SNX27: variants seen among roughly 807,000 people sequenced by gnomAD.
SNX27 encodes the protein sorting nexin 27.
A neutral mutation model predicts 71.6 loss-of-function variants in SNX27; 22 were observed. The observed-to-expected ratio is 0.31, with a 90% CI of 0.22 to 0.44. SNX27 has a LOEUF of 0.44. Among genes scored for constraint, SNX27 ranks in the 20% least tolerant of loss-of-function variants. SNX27 has a pLI of 1.00. For missense variants in SNX27, 531 were observed against 698.6 expected (o/e 0.76, Z 2.70); for synonymous variants, 269 against 277.2 (o/e 0.97, Z 0.29).
intron 1 of SNX27, among the ~76,000 whole-genome samples, chr1:151,618,131 G>T (rs75182801): frequency 0.014 from 2,047 of 150,778 alleles, 49 homozygotes; most frequent in African/African-American, 0.047. Flanking sequence ...CTCCTAAACC[G>T]CTGGCATTGC....
intron 1 of SNX27, among the ~76,000 whole-genome samples, chr1:151,628,033 A>G (rs1379745600): frequency 2.2e-5 from 3 of 137,558 alleles, no homozygotes; most frequent in Non-Finnish European, 3.1e-5. Context: ...TTTAGATGGA[A>G]TTTCACTCTG....
At chr1:151,666,307 G>A (rs966314370) in intron 6 of SNX27, 1 of 237,422 alleles carries the variant, frequency 4.2e-6, no homozygotes, top group East Asian at 8.2e-5. Flanking sequence ...GCTTAAAAAT[G>A]GGATGTTCTA....
At chr1:151,648,427 T>C (rs1026132437) in intron 2 of SNX27, among the ~76,000 whole-genome samples, 2 of 151,998 alleles carry the variant, frequency 1.3e-5, no homozygotes, top group Non-Finnish European at 2.9e-5. Flanking sequence ...TTTCTTTCTT[T>C]CTTTTTTTTG....
chr1:151,633,779 G>T (rs1158748963), intron 1 of SNX27, among the ~76,000 whole-genome samples: 1 of 152,150 alleles, frequency 6.6e-6, no homozygotes, highest in Non-Finnish European at 1.5e-5. Context: ...TATCTATGTT[G>T]TTGGGGATGA....
chr1:151,656,830 CTA>C (rs1439476856), intron 2 of SNX27, among the ~76,000 whole-genome samples: 1 of 151,992 alleles, frequency 6.6e-6, no homozygotes, highest in Non-Finnish European at 1.5e-5. Flanking sequence ...TGTGATGAAA[CTA>C]TAGTATAATA....
intron 6 of SNX27, among the ~76,000 whole-genome samples, chr1:151,667,721 G>C (rs1461683989): frequency 6.7e-6 from 1 of 150,238 alleles, no homozygotes; most frequent in African/African-American, 2.4e-5. Flanking sequence ...CAGCTACTTG[G>C]GAGGCTGAGG....
At chr1:151,639,901 TTAG>T (rs1668649199) in intron 2 of SNX27, among the ~76,000 whole-genome samples, 3 of 152,244 alleles carry the variant, frequency 2.0e-5, no homozygotes, top group Admixed American at 2.0e-4. Context: ...TTCATTATTC[TTAG>T]TAGAAAATGC....
chr1:151,641,598 G>GATATATATATATATATATATAT (rs56886589), intron 2 of SNX27, among the ~76,000 whole-genome samples: 66 of 78,980 alleles, frequency 8.4e-4, no homozygotes, highest in South Asian at 8.4e-3. Context: ...TCCTTTATCA[G>GATATATATATATATATATATAT]ATATATATAT....
chr1:151,665,867 C>A, intron 5 of SNX27, 66 bp from the exon 6 acceptor site: 1 of 1,364,344 alleles, frequency 7.3e-7, no homozygotes, highest in Non-Finnish European at 1.0e-6. Context: ...AGACATACAC[C>A]TGCTTTTTCC....
intron 7 of SNX27, among the ~76,000 whole-genome samples, chr1:151,672,800 A>G (rs1333626372): frequency 6.6e-6 from 1 of 151,894 alleles, no homozygotes; most frequent in Admixed American, 6.6e-5. Context: ...AGTAGCCACA[A>G]ATGATTCTTT....
intron 2 of SNX27, among the ~76,000 whole-genome samples, chr1:151,647,992 T>TA (rs923467531): frequency 0.023 from 3,327 of 146,674 alleles, 113 homozygotes; most frequent in African/African-American, 0.075. Context: ...TTTAAGAAGT[T>TA]AAAAAAAAAA....
At chr1:151,637,350 T>C (rs371385132) in intron 1 of SNX27, among the ~76,000 whole-genome samples, 4 of 152,054 alleles carry the variant, frequency 2.6e-5, no homozygotes, top group African/African-American at 9.6e-5. Flanking sequence ...GGCTAATTTT[T>C]TGTATTTTTA....
At chr1:151,641,726 T>C (rs1451255985) in intron 2 of SNX27, among the ~76,000 whole-genome samples, 4 of 138,236 alleles carry the variant, frequency 2.9e-5, no homozygotes, top group African/African-American at 1.0e-4. Flanking sequence ...ATATGATATA[T>C]ATCAGATAGA....
Position 151,665,952 on chromosome 1 carries a change from G to C in SNX27, c.926G>C (p.Gly309Ala). The change falls in exon 6 of 12, where the codon GGC becomes GCC. Residue 309 changes from glycine to alanine, a missense_variant. This residue lies in a region of SNX27 where 184 missense variants were observed against 289.6 expected (regional missense o/e 0.64). Coordinates refer to ENST00000458013, the MANE Select transcript of SNX27 (RefSeq NM_001330723.2). ...CCTTAGGCTATCGCAGCAAAGGTTG[G>C]CATGGACAGTACGACAGTGAATTAC... ...QVYQAIAAKVGMDSTTVNYFA... is the reference protein window; with the variant it reads ...QVYQAIAAKVAMDSTTVNYFA... 1 of 1,604,478 alleles carries C rather than the reference G, an allele frequency of 6.2e-7. No individual in the cohort carries two copies. Among genetic ancestry groups the C allele is most frequent in the Non-Finnish European group, 8.5e-7 (1 of 1,174,150 alleles).
chr1:151,670,993 T>C (rs1670432422), intron 7 of SNX27, among the ~76,000 whole-genome samples: 2 of 152,210 alleles, frequency 1.3e-5, no homozygotes, highest in Non-Finnish European at 2.9e-5. Context: ...AGTTTCATTC[T>C]TTTGCACATG....
At chr1:151,689,250 T>G (rs891358543) in intron 8 of SNX27, among the ~76,000 whole-genome samples, 3 of 152,190 alleles carry the variant, frequency 2.0e-5, no homozygotes, top group African/African-American at 7.2e-5. Flanking sequence ...GATTCTTACC[T>G]AAGATGACGT....
At chr1:151,654,568 G>C (rs1336177299) in intron 2 of SNX27, among the ~76,000 whole-genome samples, 2 of 152,098 alleles carry the variant, frequency 1.3e-5, no homozygotes, top group Non-Finnish European at 2.9e-5. Flanking sequence ...TGAATGAGAG[G>C]ATTTACTGCC....
intron 2 of SNX27, among the ~76,000 whole-genome samples, chr1:151,648,356 G>A (rs1161913443): frequency 2.0e-5 from 3 of 150,536 alleles, no homozygotes; most frequent in East Asian, 2.0e-4. Flanking sequence ...CACGCCTGGC[G>A]TTAAAGAGAT....
chr1:151,649,107 G>A (rs1212308690), intron 2 of SNX27, among the ~76,000 whole-genome samples: 3 of 151,200 alleles, frequency 2.0e-5, no homozygotes, highest in Admixed American at 2.0e-4. Context: ...GATTATAGGC[G>A]CCCGCCACCA....
Sources: allele counts gnomAD v4.1 joint callset (sites outside exome capture counted in the v4.1 genomes callset), GRCh38; gene constraint gnomAD v4.1.1; regional missense constraint gnomAD v4.1.1; transcripts MANE v1.5; gene names NCBI Gene and HGNC (gene_info 2026-07-23, HGNC 2026-07-21).